Variants in RALGPS1 observed in about 807,000 individuals in gnomAD.
RALGPS1 encodes the protein ras-specific guanine nucleotide-releasing factor RalGPS1.
RALGPS1 carries 19 observed loss-of-function variants against 78.8 expected under a neutral mutation model. That is an observed-to-expected ratio of 0.24 (90% CI 0.17 to 0.35). RALGPS1 has a LOEUF of 0.35. Among genes scored for constraint, RALGPS1 ranks in the 10% least tolerant of loss-of-function variants. The pLI is 1.00. For synonymous variants in RALGPS1, 228 were observed against 256.3 expected (o/e 0.89, Z 1.06); for missense variants, 454 against 688.3 (o/e 0.66, Z 3.81).
intron 3 of RALGPS1, among the ~76,000 whole-genome samples, chr9:126,976,316 C>G (rs1271664434): frequency 1.4e-5 from 2 of 142,720 alleles, no homozygotes; most frequent in Non-Finnish European, 3.0e-5. Context: ...CTCATTCTCA[C>G]ACACACACAC....
At chr9:127,109,515 C>T (rs2054588742) in intron 8 of RALGPS1, among the ~76,000 whole-genome samples, 1 of 152,204 alleles carries the variant, frequency 6.6e-6, no homozygotes, top group Admixed American at 6.5e-5. Flanking sequence ...CAACTGAGCT[C>T]TTCTGAATCC....
At chr9:126,987,942 C>T (rs565626611) in intron 4 of RALGPS1, among the ~76,000 whole-genome samples, 26 of 152,252 alleles carry the variant, frequency 1.7e-4, no homozygotes, top group African/African-American at 5.8e-4. Context: ...GGAGCATGTC[C>T]CACAGAAGGG....
intron 8 of RALGPS1, among the ~76,000 whole-genome samples, chr9:127,157,641 C>G (rs1007018297): frequency 1.3e-5 from 2 of 151,870 alleles, no homozygotes; most frequent in Non-Finnish European, 1.5e-5. Context: ...TGTTTTCTAG[C>G]TGATGATTAC....
chr9:127,171,115 A>G (rs2059546153), intron 10 of RALGPS1, among the ~76,000 whole-genome samples: 3 of 152,218 alleles, frequency 2.0e-5, no homozygotes, highest in South Asian at 4.1e-4. Context: ...CCAGTGCTTT[A>G]TTCCCCACAG....
chr9:127,134,012 C>G (rs2057214727), intron 8 of RALGPS1, among the ~76,000 whole-genome samples: 2 of 151,696 alleles, frequency 1.3e-5, no homozygotes, highest in African/African-American at 2.4e-5. Context: ...TCGCTCCCCC[C>G]CCCGTGAATG....
chr9:126,958,310 A>C (rs975675655), intron 1 of RALGPS1, among the ~76,000 whole-genome samples: 1 of 151,552 alleles, frequency 6.6e-6, no homozygotes. Context: ...CATAAAACCC[A>C]CCCCTTCTAA....
Position 126,990,155 on chromosome 9 carries a change from C to G in RALGPS1, c.216+12410C>G, listed in dbSNP as rs184045458. 1.4e-3 allele frequency: 1,186 copies of G among 833,972 alleles called. 1 individual carries two copies. Among genetic ancestry groups the G allele is most frequent in the Non-Finnish European group, 2.0e-3 (1,100 of 549,624 alleles). The allele number at this position is 833,972 out of a possible 1,614,324, so 51.7% of individuals were successfully genotyped here. A position where few individuals can be genotyped will look rare whatever the true frequency, so the allele number is the denominator to read the frequency against. ...GGCCCTCGGAGAGGGAAGAATGTGG[C>G]CAGCAGGCAGTCATTTGTAAAGTGG... On this transcript the variant is annotated intron_variant, in intron 4 of 18. Transcript: ENST00000259351.
At chr9:127,107,813 G>C in intron 8 of RALGPS1, 1 of 1,244,386 alleles carries the variant, frequency 8.0e-7, no homozygotes, top group Non-Finnish European at 1.1e-6. Flanking sequence ...CTTTGGCCTG[G>C]CTTCAACTGG....
intron 1 of RALGPS1, among the ~76,000 whole-genome samples, chr9:126,928,696 G>C (rs1394288664): frequency 6.6e-6 from 1 of 152,090 alleles, no homozygotes; most frequent in Admixed American, 6.5e-5. Flanking sequence ...CCACCTCCCA[G>C]CTCCAAGTGA....
intron 8 of RALGPS1, among the ~76,000 whole-genome samples, chr9:127,105,688 C>T (rs75586617): frequency 2.0e-5 from 3 of 152,148 alleles, no homozygotes; most frequent in East Asian, 1.9e-4. Flanking sequence ...TTGGCCTCGA[C>T]GGATACTCCC....
At chr9:127,074,517 G>A (rs899855408) in intron 8 of RALGPS1, among the ~76,000 whole-genome samples, 7 of 152,176 alleles carry the variant, frequency 4.6e-5, no homozygotes, top group African/African-American at 1.2e-4. Flanking sequence ...GAGAGACAAC[G>A]TTGATGGTAC....
chr9:126,989,873 G>A (rs1165293769), intron 4 of RALGPS1: 14 of 1,549,702 alleles, frequency 9.0e-6, no homozygotes, highest in African/African-American at 1.4e-5. Flanking sequence ...GCATCTGTTG[G>A]GTCCTTTTCT....
chr9:127,096,012 G>C (rs2053090402), intron 8 of RALGPS1, among the ~76,000 whole-genome samples: 1 of 152,144 alleles, frequency 6.6e-6, no homozygotes, highest in Admixed American at 6.5e-5. Context: ...TGGGGAGGAA[G>C]GATCTTCTCA....
At chr9:127,191,738 C>G (rs1163982052) in intron 11 of RALGPS1, among the ~76,000 whole-genome samples, 3 of 139,432 alleles carry the variant, frequency 2.2e-5, no homozygotes, top group African/African-American at 5.3e-5. Context: ...CACTCTGTCA[C>G]CCAGGCTGGA....
chr9:126,973,936 G>A (rs546497088), intron 3 of RALGPS1, among the ~76,000 whole-genome samples: 31 of 152,188 alleles, frequency 2.0e-4, no homozygotes, highest in Admixed American at 1.2e-3. Context: ...GCAGTGGTGC[G>A]ATTTCGGCTC....
chr9:126,939,749 C>A (rs1255973141), intron 1 of RALGPS1, among the ~76,000 whole-genome samples: 1 of 152,236 alleles, frequency 6.6e-6, no homozygotes, highest in East Asian at 1.9e-4. Flanking sequence ...ATAGACATGA[C>A]CCTCGCTTTA....
rs57331253 is a variant in RALGPS1 at position 126,941,166 on chromosome 9, T to TGGGG, written c.-65-21053_-65-21050dup. On this transcript the variant is annotated intron_variant, in intron 1 of 18. Transcript: ENST00000259351. ...TTAAAATTATGACTTCGTCTAGTTG[T>TGGGG]GGGGGGGGGTTGTTGGGGAAGGAGG... 7.4e-5 allele frequency among the ~76,000 whole-genome samples: 11 copies of TGGGG among 149,384 alleles called. No individual in the cohort carries two copies. The East Asian group carries it at 2.2e-3, about 30-fold the overall frequency.
intron 3 of RALGPS1, among the ~76,000 whole-genome samples, chr9:126,970,885 C>G (rs922505505): frequency 6.6e-6 from 1 of 152,064 alleles, no homozygotes; most frequent in Non-Finnish European, 1.5e-5. Context: ...GCCACAAAAA[C>G]AGACAAAACC....
chr9:127,054,995 TTGAGAGAGAGAGAGAGAGAGAGAGAGAG>T (rs1297547342), intron 7 of RALGPS1, among the ~76,000 whole-genome samples: 8 of 66,176 alleles, frequency 1.2e-4, no homozygotes, highest in South Asian at 1.2e-3. Flanking sequence ...GAGAGATTGA[TTGAGAGAGAGAGAGAGAGAGAGAGAGAG>T]AGAGAGAGAG....
Sources: gnomAD v4.1 joint callset for allele counts (sites outside exome capture counted in the v4.1 genomes callset) on GRCh38, gnomAD v4.1.1 for gene constraint, MANE v1.5 for transcripts, NCBI Gene and HGNC (gene_info 2026-07-23, HGNC 2026-07-21) for gene names.